Variants in PSD4 observed in about 807,000 individuals in gnomAD.
PSD4 encodes PH and SEC7 domain-containing protein 4.
PSD4 carries 59 observed loss-of-function variants against 112.5 expected under a neutral mutation model. The ratio of observed to expected loss-of-function variants is 0.52; its 90% CI spans 0.43 to 0.65. The LOEUF (loss-of-function observed/expected upper bound fraction) is 0.65, where lower values mean the gene tolerates loss of function less well. Among genes scored for constraint, PSD4 ranks in the 30% least tolerant of loss-of-function variants. The pLI is 0.00. For missense variants in PSD4, 1,267 were observed against 1,352.6 expected (o/e 0.94, Z 0.99); for synonymous variants, 533 against 540.0 (o/e 0.99, Z 0.18).
Position 113,188,632 on chromosome 2 carries a change from A to G in PSD4, c.1628+2377A>G, listed in dbSNP as rs186196236. 1.6e-3 allele frequency among the ~76,000 whole-genome samples: 238 copies of G among 150,314 alleles called. 1 individual carries two copies. Among genetic ancestry groups the G allele is most frequent in the Non-Finnish European group, 2.8e-3 (191 of 67,548 alleles). ...GTCTCACTCTGTGGCCCAGGCTGGAATGCACTGGCGTGATCTCGGCTCACT... is the reference window on the plus strand; with the variant it reads ...GTCTCACTCTGTGGCCCAGGCTGGAGTGCACTGGCGTGATCTCGGCTCACT... On this transcript the variant is annotated intron_variant, in intron 5 of 16. Transcript: ENST00000245796.
chr2:113,206,827 G>C lies in PSD4; in HGVS notation c.*5412G>C, dbSNP rs1328312061. The C allele has an allele frequency of 6.6e-6, 1 of 152,178 alleles. No homozygotes were observed. The allele number at this position is 152,178 out of a possible 1,614,324, so 9.4% of individuals were successfully genotyped here. ...GCATGCCATCCTGCTTGGATGCTGGGTAGCTTTGCACTTGGCTCTGCCTTG... is the reference window on the plus strand; with the variant it reads ...GCATGCCATCCTGCTTGGATGCTGGCTAGCTTTGCACTTGGCTCTGCCTTG... On this transcript the variant is annotated 3_prime_UTR_variant, in exon 17 of 17. Transcript: ENST00000245796.
At chr2:113,185,582 A>G in intron 4 of PSD4, 142 bp downstream of exon 4, 1 of 1,561,906 alleles carries the variant, frequency 6.4e-7, no homozygotes, top group South Asian at 1.2e-5. Flanking sequence ...ACTTGGGGTT[A>G]AATCCTGCCT....
At chr2:113,191,683 G>A (rs879431777) in intron 5 of PSD4, among the ~76,000 whole-genome samples, 1 of 152,238 alleles carries the variant, frequency 6.6e-6, no homozygotes, top group Non-Finnish European at 1.5e-5. Flanking sequence ...TGATTGTAAT[G>A]TTGTCGGGGA....
intron 1 of PSD4, among the ~76,000 whole-genome samples, chr2:113,176,173 G>A (rs1211142883): frequency 6.6e-6 from 1 of 152,228 alleles, no homozygotes; most frequent in East Asian, 1.9e-4. Flanking sequence ...TTCAGCCAGG[G>A]TACAAGGCTG....
chr2:113,182,368 C>T lies in PSD4; in HGVS notation c.-89C>T, dbSNP rs985372033. On this transcript the variant is annotated 5_prime_UTR_variant, in exon 2 of 17. Coordinates refer to ENST00000245796, the MANE Select transcript of PSD4 (RefSeq NM_012455.3). ...CAGGGTAGATATGGATTCCCAGTTT[C>T]TCCAGCGGCCAGTGCTCCCCCTAGT... The T allele has an allele frequency of 2.3e-6, 3 of 1,279,620 alleles. No individual in the cohort carries two copies. The African/African-American group carries it at 4.5e-5, about 19-fold the overall frequency. 79.3% of individuals were successfully genotyped at this position (1,279,620 alleles called of 1,614,324 possible). A position where few individuals can be genotyped will look rare whatever the true frequency, so the allele number is the denominator to read the frequency against.
At position 113,203,600 on chromosome 2, in the gene PSD4, T is replaced by C. The variant is rs1317876391; in HGVS notation, c.*2185T>C. The C allele has an allele frequency of 8.0e-6, 1 of 125,472 alleles. No individual in the cohort carries two copies. Among genetic ancestry groups the C allele is most frequent in the Non-Finnish European group, 1.6e-5 (1 of 62,416 alleles). The allele number at this position is 125,472 out of a possible 1,614,324, so 7.8% of individuals were successfully genotyped here. A position where few individuals can be genotyped will look rare whatever the true frequency, so the allele number is the denominator to read the frequency against. On this transcript the variant is annotated 3_prime_UTR_variant, in exon 17 of 17. Coordinates refer to ENST00000245796, the MANE Select transcript of PSD4 (RefSeq NM_012455.3). ...TTTTTTGGAGACGGAGTTTCGCTCT[T>C]GTAACCCAGGCTGGAGTGCAATGGT...
intron 1 of PSD4, among the ~76,000 whole-genome samples, chr2:113,179,285 G>A (rs1274648068): frequency 6.6e-6 from 1 of 152,198 alleles, no homozygotes; most frequent in Non-Finnish European, 1.5e-5. Flanking sequence ...GGAGCAGAGA[G>A]TGGTATGGAC....
In PSD4 at chr2:113,182,587, A is replaced by G. The variant is rs1354177317; in HGVS notation, c.131A>G (p.Glu44Gly). Reference protein sequence around the residue: ...RETCSHEDPPEPFEEQTWATD... With the variant: ...RETCSHEDPPGPFEEQTWATD... ...ACGTGCAGCCATGAGGATCCACCGG[A>G]GCCTTTCGAGGAGCAAACCTGGGCC... Residue 44 changes from glutamate to glycine, a missense_variant, in exon 2 of 17, where the codon GAG (glutamate) becomes GGG (glycine). Transcript: ENST00000245796. 3 of 1,614,060 alleles carry G rather than the reference A, an allele frequency of 1.9e-6. No homozygotes were observed. Among genetic ancestry groups the G allele is most frequent in the Non-Finnish European group, 2.5e-6 (3 of 1,180,018 alleles).
At position 113,182,680 on chromosome 2, in the gene PSD4, T is replaced by C; in HGVS notation, c.224T>C (p.Leu75Pro). Residue 75 changes from leucine to proline, a missense_variant, in exon 2 of 17, where the codon CTG becomes CCG. Around this residue, in one of 2 missense-constraint regions of PSD4, gnomAD observed 723 missense variants for 704.0 expected, o/e 1.03. Coordinates refer to ENST00000245796, the MANE Select transcript of PSD4 (RefSeq NM_012455.3). The part of the protein sequence containing the change: ...PWGSGVELTH[L>P]GSWVHQDGLE... ...GGCTCCGGTGTGGAGCTCACACACCTGGGGAGCTGGGTCCATCAGGACGGG... is the reference window on the plus strand; with the variant it reads ...GGCTCCGGTGTGGAGCTCACACACCCGGGGAGCTGGGTCCATCAGGACGGG... 2 of 1,611,158 alleles carry C rather than the reference T, an allele frequency of 1.2e-6. No individual in the cohort carries two copies. The highest frequency in any genetic ancestry group is 1.7e-6 in the Non-Finnish European group (2 of 1,178,882).
In PSD4 at chr2:113,201,694, CA is replaced by C; in HGVS notation, c.*280del. 1 of 490,590 alleles carries C rather than the reference CA, an allele frequency of 2.0e-6. No individual in the cohort carries two copies. The highest frequency in any genetic ancestry group is 3.7e-6 in the Non-Finnish European group (1 of 271,748). 30.4% of individuals were successfully genotyped at this position (490,590 alleles called of 1,614,324 possible). On this transcript the variant is annotated 3_prime_UTR_variant, in exon 17 of 17. Coordinates refer to ENST00000245796, the MANE Select transcript of PSD4 (RefSeq NM_012455.3). ...GGAGGTGAGGACTTGACTTTCCTCC[CA>C]GAGCTCAGCCCATGTCACCCTCCAG...
chr2:113,188,099 G>A (rs966582899), intron 5 of PSD4, among the ~76,000 whole-genome samples: 5 of 151,788 alleles, frequency 3.3e-5, no homozygotes, highest in African/African-American at 9.7e-5. Flanking sequence ...AGAATTACTC[G>A]AAAAATCAAC....
rs544189184 is a variant in PSD4 at position 113,193,380 on chromosome 2, G to A, written c.2032+10G>A. ...ATCTTCCCCTCAGTAGGTAGGGAGG[G>A]GCTGGCCCTGACAGCAAAGCAGGGA... On this transcript the variant is annotated intron_variant, in intron 8 of 16. Transcript: ENST00000245796. The A allele has an allele frequency of 8.7e-5, 140 of 1,607,950 alleles. No individual in the cohort carries two copies. In the South Asian group the frequency reaches 1.4e-3, roughly 16 times the overall value.
At chr2:113,195,413 C>T (rs1019618827) in intron 10 of PSD4, among the ~76,000 whole-genome samples, 2 of 152,112 alleles carry the variant, frequency 1.3e-5, no homozygotes, top group Non-Finnish European at 1.5e-5. Context: ...CCACCCGCCT[C>T]GGCCTCCCAA....
At position 113,182,468 on chromosome 2, in the gene PSD4, C is replaced by T. The variant is rs773607057; in HGVS notation, c.12C>T (p.Asp4=). The change falls in exon 2 of 17, where the codon GAC becomes GAT. Residue 4 remains aspartate, a synonymous_variant. Coordinates refer to ENST00000245796, the MANE Select transcript of PSD4 (RefSeq NM_012455.3). ...CTTTTGCTCAGTGGATGATGGGTGA[C>T]TACAGACTCCCTGACCACCCCCAGC... MMG[D]YRLPDHPQPM... 6.2e-7 allele frequency: 1 copy of T among 1,609,632 alleles called. No homozygotes were observed.
chr2:113,193,683 G>A, intron 9 of PSD4, 33 bp downstream of exon 9: 2 of 1,601,996 alleles, frequency 1.2e-6, no homozygotes, highest in East Asian at 4.5e-5. Flanking sequence ...TGTGGGAACT[G>A]AGGCTGTAAC....
chr2:113,197,140 CAA>C (rs1458214915), intron 12 of PSD4: 1 of 269,674 alleles, frequency 3.7e-6, no homozygotes, highest in East Asian at 1.1e-4. Flanking sequence ...AAGGGCACCC[CAA>C]AGCTGGGCTC....
chr2:113,175,576 A>T (rs1479328608), intron 1 of PSD4, among the ~76,000 whole-genome samples: 2 of 152,160 alleles, frequency 1.3e-5, no homozygotes, highest in African/African-American at 4.8e-5. Context: ...GAGGGACAGG[A>T]CAGGTCACCT....
At chr2:113,194,970 T>C (rs921297524) in intron 10 of PSD4, among the ~76,000 whole-genome samples, 5 of 152,188 alleles carry the variant, frequency 3.3e-5, no homozygotes, top group Non-Finnish European at 5.9e-5. Context: ...AACATCTACG[T>C]TAATATGTCA....
In PSD4 at chr2:113,183,316, T is replaced by C. The variant is rs1441493291; in HGVS notation, c.860T>C (p.Leu287Pro). Residue 287 changes from leucine (L) to proline (P), a missense_variant, in exon 2 of 17, where the codon CTG becomes CCG. This residue lies in a region of PSD4 where 723 missense variants were observed against 704.0 expected (regional missense o/e 1.03). Coordinates refer to ENST00000245796, the MANE Select transcript of PSD4 (RefSeq NM_012455.3). The part of the protein sequence containing the change: ...VRTGPESPAT[L>P]EPPLPEDTVL... ...ACTGGACCTGAGAGCCCAGCGACTC[T>C]GGAGCCTCCCCTCCCAGAAGACACA... 1 of 1,608,598 alleles carries C rather than the reference T, an allele frequency of 6.2e-7. No homozygotes were observed. The highest frequency in any genetic ancestry group is 8.5e-7 in the Non-Finnish European group (1 of 1,176,834).
Sources: gnomAD v4.1 joint callset for allele counts (sites outside exome capture counted in the v4.1 genomes callset) on GRCh38, gnomAD v4.1.1 for gene constraint, gnomAD v4.1.1 regional missense constraint, MANE v1.5 for transcripts, NCBI Gene and HGNC (gene_info 2026-07-23, HGNC 2026-07-21) for gene names.